BAIAP2L1: variants seen among roughly 807,000 people sequenced by gnomAD.
The protein encoded by BAIAP2L1 is BAR/IMD domain containing adaptor protein 2 like 1, also known as BAR/IMD domain-containing adapter protein 2-like 1.
Under a neutral mutation model 66.3 loss-of-function variants are expected in BAIAP2L1, and 35 were observed. The observed-to-expected ratio is 0.53, with a 90% CI of 0.40 to 0.70. The LOEUF is 0.70. Among genes scored for constraint, BAIAP2L1 ranks in the 30% least tolerant of loss-of-function variants. BAIAP2L1 has a pLI of 0.00. For synonymous variants in BAIAP2L1, 269 were observed against 248.7 expected (o/e 1.08, Z -0.77); for missense variants, 622 against 656.9 (o/e 0.95, Z 0.58).
intron 2 of BAIAP2L1, among the ~76,000 whole-genome samples, chr7:98,357,870 C>G (rs1388539536): frequency 6.6e-6 from 1 of 152,146 alleles, no homozygotes; most frequent in Non-Finnish European, 1.5e-5. Flanking sequence ...CGGGAAGGCA[C>G]ACAGCTCTGG....
At position 98,375,968 on chromosome 7, in the gene BAIAP2L1, AT is replaced by A. The variant is rs1025527491; in HGVS notation, c.52-13537del. 2.6e-5 allele frequency among the ~76,000 whole-genome samples: 4 copies of A among 152,266 alleles called. No individual in the cohort carries two copies. The East Asian group carries it at 7.7e-4, about 29-fold the overall frequency. On this transcript the variant is annotated intron_variant, in intron 1 of 13. Coordinates refer to ENST00000005260, the MANE Select transcript of BAIAP2L1 (RefSeq NM_018842.5). ...TTTATATTTTCACACACACGTATAT[AT>A]TTAGTCAAGATTAACATAAAATTTT...
At chr7:98,321,308 A>G (rs3801264) in intron 3 of BAIAP2L1, among the ~76,000 whole-genome samples, 61,299 of 152,120 alleles carry the variant, frequency 0.4, 13,331 homozygotes, top group Middle Eastern at 0.55. Flanking sequence ...GAATCCCCAG[A>G]GTAATCTGAT....
At chr7:98,389,773 TCA>T (rs1802983014) in intron 1 of BAIAP2L1, among the ~76,000 whole-genome samples, 1 of 152,152 alleles carries the variant, frequency 6.6e-6, no homozygotes, top group Admixed American at 6.6e-5. Context: ...CTCTACACAT[TCA>T]GAGAAACTTC....
At chr7:98,335,322 G>C (rs927524885) in intron 3 of BAIAP2L1, among the ~76,000 whole-genome samples, 2 of 151,750 alleles carry the variant, frequency 1.3e-5, no homozygotes, top group African/African-American at 4.8e-5. Flanking sequence ...ATCATACCCT[G>C]ACACTCAGTT....
intron 1 of BAIAP2L1, among the ~76,000 whole-genome samples, chr7:98,389,485 A>AT (rs1001216887): frequency 6.6e-6 from 1 of 151,750 alleles, no homozygotes; most frequent in Admixed American, 6.6e-5. Flanking sequence ...TGCCCGGCTG[A>AT]TTTTTTTGTA....
chr7:98,311,554 AT>A (rs1265142396), intron 8 of BAIAP2L1, among the ~76,000 whole-genome samples: 3 of 151,730 alleles, frequency 2.0e-5, no homozygotes, highest in Admixed American at 6.6e-5. Context: ...AACAAAAAAA[AT>A]AAAAAAAAAA....
At chr7:98,323,121 C>G (rs1383248498) in intron 3 of BAIAP2L1, 3 of 152,248 alleles carry the variant, frequency 2.0e-5, no homozygotes, top group Non-Finnish European at 2.9e-5. Flanking sequence ...CACTCCACAT[C>G]CTTAGCAACG....
intron 1 of BAIAP2L1, among the ~76,000 whole-genome samples, chr7:98,367,500 A>G (rs1229507891): frequency 1.4e-5 from 2 of 147,348 alleles, no homozygotes; most frequent in African/African-American, 2.5e-5. Context: ...CCTCTTGAGT[A>G]GATGGGATTA....
intron 3 of BAIAP2L1, among the ~76,000 whole-genome samples, chr7:98,323,699 C>A (rs1164155059): frequency 2.6e-5 from 4 of 152,202 alleles, no homozygotes; most frequent in African/African-American, 9.6e-5. Flanking sequence ...GCAGCTCTTT[C>A]ACTCTGCGGG....
intron 3 of BAIAP2L1, among the ~76,000 whole-genome samples, chr7:98,345,325 CAA>C (rs1251893859): frequency 2.0e-5 from 3 of 152,100 alleles, no homozygotes; most frequent in Non-Finnish European, 2.9e-5. Flanking sequence ...TTATAAATGA[CAA>C]AAGTCAATTT....
At chr7:98,386,025 C>G in intron 1 of BAIAP2L1, 1 of 1,385,122 alleles carries the variant, frequency 7.2e-7, no homozygotes, top group Non-Finnish European at 1.0e-6. Flanking sequence ...TGTCTGGAAT[C>G]AATTTATTGA....
intron 2 of BAIAP2L1, among the ~76,000 whole-genome samples, chr7:98,355,599 T>G (rs1007411734): frequency 4.1e-5 from 6 of 145,242 alleles, no homozygotes; most frequent in Admixed American, 2.1e-4. Context: ...CATGGTGGAG[T>G]GTGCCTGCAG....
In BAIAP2L1 at chr7:98,376,783, G is replaced by A. The variant is rs903182979; in HGVS notation, c.52-14351C>T. 4.6e-5 allele frequency among the ~76,000 whole-genome samples: 7 copies of A among 151,968 alleles called. No individual in the cohort carries two copies. In the East Asian group the frequency reaches 1.4e-3, roughly 29 times the overall value. On this transcript the variant is annotated intron_variant, in intron 1 of 13. Transcript: ENST00000005260. ...GGAGGTGCAGGTTGCGGTGAGCTGA[G>A]ATTATGCCATCGCACTCCAGCCTAG...
At chr7:98,303,410 G>A (rs1303379904) in intron 12 of BAIAP2L1, among the ~76,000 whole-genome samples, 1 of 152,150 alleles carries the variant, frequency 6.6e-6, no homozygotes, top group Non-Finnish European at 1.5e-5. Flanking sequence ...ACACCAGGGC[G>A]CACTAACCTC....
intron 3 of BAIAP2L1, among the ~76,000 whole-genome samples, chr7:98,326,939 A>G (rs781521111): frequency 2.0e-5 from 3 of 152,220 alleles, no homozygotes; most frequent in Non-Finnish European, 4.4e-5. Context: ...CAAAACAAAC[A>G]TAACAAATGA....
intron 3 of BAIAP2L1, among the ~76,000 whole-genome samples, chr7:98,325,905 A>T (rs1013915075): frequency 4.6e-5 from 7 of 152,232 alleles, no homozygotes; most frequent in Non-Finnish European, 8.8e-5. Flanking sequence ...AACGTGATCA[A>T]ATTTGAAAGG....
intron 3 of BAIAP2L1, chr7:98,323,289 T>A (rs573756422): frequency 3.9e-5 from 6 of 152,274 alleles, no homozygotes; most frequent in African/African-American, 1.4e-4. Context: ...CACATCTATT[T>A]TAAACCCACA....
chr7:98,294,234 C>T (rs1800091439), intron 12 of BAIAP2L1, 123 bp from the exon 13 acceptor site: 1 of 970,824 alleles, frequency 1.0e-6, no homozygotes, highest in African/African-American at 1.6e-5. Flanking sequence ...CTCACGTGAT[C>T]CTTCCACCTT....
At chr7:98,334,295 T>A (rs763833437) in intron 3 of BAIAP2L1, among the ~76,000 whole-genome samples, 1 of 152,200 alleles carries the variant, frequency 6.6e-6, no homozygotes, top group Non-Finnish European at 1.5e-5. Context: ...CCAAGAGTTA[T>A]AGGAACAGGC....
Sources: allele counts gnomAD v4.1 joint callset (sites outside exome capture counted in the v4.1 genomes callset), GRCh38; gene constraint gnomAD v4.1.1; transcripts MANE v1.5; gene names NCBI Gene and HGNC (gene_info 2026-07-23, HGNC 2026-07-21).